The following ZNF138 variants were observed in gnomAD, a reference collection of about 807,000 sequenced individuals.
ZNF138 encodes the protein zinc finger protein 138 (clone pHZ-32).
Under a neutral mutation model 33.0 loss-of-function variants are expected in ZNF138, and 33 were observed. That is an observed-to-expected ratio of 1.00 (90% CI 0.76 to 1.34). ZNF138 has a LOEUF of 1.34. Among genes scored for constraint, ZNF138 ranks in the 40% most tolerant of loss-of-function variants. ZNF138 has a pLI of 0.00. For missense variants in ZNF138, 360 were observed against 370.8 expected (o/e 0.97, Z 0.24); for synonymous variants, 139 against 120.4 (o/e 1.15, Z -1.01).
the ZNF138 span, among the ~76,000 whole-genome samples, chr7:64,844,685 T>C: frequency 2.2e-4 from 33 of 151,822 alleles, no homozygotes; most frequent in African/African-American, 7.7e-4. Flanking sequence ...TTGTTTTGTT[T>C]TGTTTTGTTT....
intron 3 of ZNF138, among the ~76,000 whole-genome samples, chr7:64,829,350 G>A (rs1231982648): frequency 1.3e-5 from 2 of 150,864 alleles, no homozygotes; most frequent in East Asian, 3.9e-4. Flanking sequence ...CTTTCAATAT[G>A]TACTTTACAT....
At chr7:64,857,928 TAA>T in the ZNF138 span, among the ~76,000 whole-genome samples, 2 of 152,212 alleles carry the variant, frequency 1.3e-5, no homozygotes, top group Non-Finnish European at 2.9e-5. Flanking sequence ...CAAATTTTAA[TAA>T]AAAGCGTTTG....
At chr7:64,812,541 G>T (rs1024459188) in intron 1 of ZNF138, among the ~76,000 whole-genome samples, 1 of 152,146 alleles carries the variant, frequency 6.6e-6, no homozygotes. Context: ...GAGCAGTGTG[G>T]CCCATATTTC....
rs1204874125 is a variant in ZNF138, at chr7:64,832,293, A to T, written c.*91A>T. The T allele has an allele frequency of 1.9e-6, 3 of 1,588,334 alleles. No individual in the cohort carries two copies. The highest frequency in any genetic ancestry group is 2.6e-6 in the Non-Finnish European group (3 of 1,169,208). On this transcript the variant is annotated 3_prime_UTR_variant, in exon 4 of 4. Transcript: ENST00000307355. ...AGCCTTTAACCAGTTTTCAACCCTT[A>T]TTACACATAAGATAATTCATAGCGG...
At chr7:64,853,746 T>C in the ZNF138 span, among the ~76,000 whole-genome samples, 1 of 151,948 alleles carries the variant, frequency 6.6e-6, no homozygotes, top group African/African-American at 2.4e-5. Flanking sequence ...GTACTGAGCA[T>C]TAACCATAAT....
At chr7:64,805,799 A>G (rs1787548221) in intron 1 of ZNF138, among the ~76,000 whole-genome samples, 1 of 152,226 alleles carries the variant, frequency 6.6e-6, no homozygotes. Context: ...TTGCAAAATT[A>G]CCTCTTGTCA....
chr7:64,796,510 A>G (rs1583758379), intron 1 of ZNF138, among the ~76,000 whole-genome samples: 1 of 152,242 alleles, frequency 6.6e-6, no homozygotes, highest in Admixed American at 6.5e-5. Flanking sequence ...CTAAAAGGTA[A>G]GAGGATAATT....
At chr7:64,817,197 G>A (rs1466406545) in intron 3 of ZNF138, among the ~76,000 whole-genome samples, 1 of 152,180 alleles carries the variant, frequency 6.6e-6, no homozygotes. Context: ...TCATTGAAAT[G>A]CTTCAGGGAC....
At chr7:64,795,776 G>A (rs964040044) in intron 1 of ZNF138, among the ~76,000 whole-genome samples, 1 of 151,278 alleles carries the variant, frequency 6.6e-6, no homozygotes, top group African/African-American at 2.4e-5. Context: ...AAGGTAATGT[G>A]TCCTTAGTCA....
At chr7:64,845,222 T>C in the ZNF138 span, among the ~76,000 whole-genome samples, 1 of 152,238 alleles carries the variant, frequency 6.6e-6, no homozygotes, top group Non-Finnish European at 1.5e-5. Context: ...CTTAGAATAA[T>C]AATCTTCAGT....
intron 3 of ZNF138, among the ~76,000 whole-genome samples, chr7:64,830,713 T>C (rs1790013105): frequency 6.6e-6 from 1 of 152,184 alleles, no homozygotes; most frequent in Admixed American, 6.5e-5. Context: ...CATTGTAATC[T>C]TCAATTGAAA....
intron 1 of ZNF138, among the ~76,000 whole-genome samples, chr7:64,797,822 TTAAGG>T (rs1469274790): frequency 6.6e-6 from 1 of 152,094 alleles, no homozygotes; most frequent in African/African-American, 2.4e-5. Context: ...TATATAATCT[TTAAGG>T]ATTGCAAAGT....
At chr7:64,852,796 T>C in the ZNF138 span, 1 of 844,290 alleles carries the variant, frequency 1.2e-6, no homozygotes, top group Non-Finnish European at 2.1e-6. Context: ...CTGCATTGTC[T>C]GGCATGATAA....
chr7:64,848,885 T>G, the ZNF138 span, among the ~76,000 whole-genome samples: 1 of 151,942 alleles, frequency 6.6e-6, no homozygotes, highest in Non-Finnish European at 1.5e-5. Flanking sequence ...TTTGTATTTT[T>G]AATAGAGACA....
chr7:64,848,024 A>T, the ZNF138 span, among the ~76,000 whole-genome samples: 3 of 151,948 alleles, frequency 2.0e-5, no homozygotes, highest in African/African-American at 7.3e-5. Context: ...AGCTCTTTTT[A>T]GTAGTTGTTT....
chr7:64,832,831 C>T lies in ZNF138; in HGVS notation c.*629C>T, dbSNP rs1005805261. ...AAGAAGATTCATACTAGAGAGAAAC[C>T]CTACAAATGTGAAGAATGTGGCATA... On this transcript the variant is annotated 3_prime_UTR_variant, in exon 4 of 4. Coordinates refer to ENST00000307355, the MANE Select transcript of ZNF138 (RefSeq NM_001271639.2). The T allele has an allele frequency of 1.1e-5, 5 of 447,770 alleles. No individual in the cohort carries two copies. The highest frequency in any genetic ancestry group is 1.0e-4 in the African/African-American group (5 of 49,712). 27.7% of individuals were successfully genotyped at this position (447,770 alleles called of 1,614,324 possible). A position where few individuals can be genotyped will look rare whatever the true frequency, so the allele number is the denominator to read the frequency against.
chr7:64,796,001 C>T (rs1487002833), intron 1 of ZNF138, among the ~76,000 whole-genome samples: 1 of 152,154 alleles, frequency 6.6e-6, no homozygotes, highest in Non-Finnish European at 1.5e-5. Flanking sequence ...AGAGGAATCT[C>T]CTGGTGTACT....
Position 64,832,731 on chromosome 7 carries a change from C to A in ZNF138, c.*529C>A. 2.2e-6 allele frequency: 1 copy of A among 445,626 alleles called. No homozygotes were observed. Among genetic ancestry groups the A allele is most frequent in the South Asian group, 1.8e-5 (1 of 56,638 alleles). 27.6% of individuals were successfully genotyped at this position (445,626 alleles called of 1,614,324 possible). On this transcript the variant is annotated 3_prime_UTR_variant, in exon 4 of 4. Transcript: ENST00000307355. ...AACTCTTACTGCACATAAGATCATT[C>A]ATACTGGAGAGAAACCTTACAAATG...
intron 1 of ZNF138, among the ~76,000 whole-genome samples, chr7:64,806,442 A>G (rs575117532): frequency 3.9e-5 from 6 of 152,328 alleles, no homozygotes; most frequent in African/African-American, 1.4e-4. Flanking sequence ...ACATGCAGGC[A>G]TGAGAATCTC....
Sources: allele counts gnomAD v4.1 joint callset (sites outside exome capture counted in the v4.1 genomes callset), GRCh38; gene constraint gnomAD v4.1.1; transcripts MANE v1.5; gene names NCBI Gene and HGNC (gene_info 2026-07-23, HGNC 2026-07-21).